Variants in DAB1 observed in about 807,000 individuals in gnomAD.
DAB1 encodes DAB adaptor protein 1, also known as disabled homolog 1.
Under a neutral mutation model 64.6 loss-of-function variants are expected in DAB1, and 15 were observed. The ratio of observed to expected loss-of-function variants is 0.23; its 90% CI spans 0.16 to 0.36. The LOEUF (loss-of-function observed/expected upper bound fraction) is 0.36, where lower values mean the gene tolerates loss of function less well. Ranked by LOEUF, DAB1 falls within the 10% of genes least tolerant of loss-of-function variation. The pLI is 1.00. For synonymous variants in DAB1, 235 were observed against 251.9 expected (o/e 0.93, Z 0.64); for missense variants, 596 against 706.7 (o/e 0.84, Z 1.78).
chr1:58,189,743 G>A (rs1405790461), intron 4 of DAB1, among the ~76,000 whole-genome samples: 4 of 152,216 alleles, frequency 2.6e-5, no homozygotes, highest in African/African-American at 9.6e-5. Context: ...TATTTTCAAT[G>A]TGGAAGTACA....
At chr1:57,225,962 A>G (rs1369524656) in intron 2 of DAB1, among the ~76,000 whole-genome samples, 16 of 152,124 alleles carry the variant, frequency 1.1e-4, no homozygotes, top group Non-Finnish European at 2.4e-4. Flanking sequence ...CATTCCCACA[A>G]CAATGGGTGC....
intron 7 of DAB1, among the ~76,000 whole-genome samples, chr1:57,439,583 C>A (rs534884212): frequency 6.8e-6 from 1 of 147,178 alleles, no homozygotes; most frequent in Non-Finnish European, 1.5e-5. Flanking sequence ...CGCCCGCCAC[C>A]GCGCCCGGCT....
chr1:58,291,292 T>C (rs1439312338), intron 4 of DAB1, among the ~76,000 whole-genome samples: 1 of 152,194 alleles, frequency 6.6e-6, no homozygotes, highest in East Asian at 1.9e-4. Context: ...AATAAAATTA[T>C]GTAACTGGTG....
intron 6 of DAB1, among the ~76,000 whole-genome samples, chr1:57,773,165 G>T (rs1184191981): frequency 2.0e-5 from 3 of 151,918 alleles, no homozygotes; most frequent in Non-Finnish European, 4.4e-5. Context: ...AATTTCTGTT[G>T]TTTTAAGCCA....
intron 1 of DAB1, among the ~76,000 whole-genome samples, chr1:57,349,184 C>A (rs1220625659): frequency 4.6e-5 from 7 of 152,148 alleles, no homozygotes. Context: ...CTGAGTAATT[C>A]AACACAGCCC....
At chr1:58,164,175 A>C (rs1655692601) in intron 4 of DAB1, among the ~76,000 whole-genome samples, 1 of 149,412 alleles carries the variant, frequency 6.7e-6, no homozygotes, top group African/African-American at 2.5e-5. Flanking sequence ...TAAACAACTC[A>C]AGAGAGCTCA....
intron 7 of DAB1, among the ~76,000 whole-genome samples, chr1:57,527,686 G>T (rs560375963): frequency 6.6e-6 from 1 of 152,290 alleles, no homozygotes; most frequent in African/African-American, 2.4e-5. Context: ...GGTTACTAAA[G>T]AATAGAGGAA....
intron 1 of DAB1, among the ~76,000 whole-genome samples, chr1:57,300,544 C>T (rs945094305): frequency 7.9e-5 from 12 of 152,118 alleles, no homozygotes; most frequent in East Asian, 5.8e-4. Context: ...AGAGAGAAGA[C>T]GTAATCAATC....
At chr1:57,208,621 G>C (rs113854908) in intron 2 of DAB1, among the ~76,000 whole-genome samples, 5 of 152,300 alleles carry the variant, frequency 3.3e-5, no homozygotes, top group African/African-American at 1.2e-4. Flanking sequence ...CTGGCACATG[G>C]TAAGTGATGA....
At chr1:57,362,064 A>G (rs1182116482) in intron 1 of DAB1, among the ~76,000 whole-genome samples, 2 of 152,166 alleles carry the variant, frequency 1.3e-5, no homozygotes, top group Admixed American at 1.3e-4. Flanking sequence ...TTAAACAATT[A>G]TATAGAAGGA....
chr1:57,225,346 A>T (rs1402985805), intron 2 of DAB1, among the ~76,000 whole-genome samples: 1 of 152,212 alleles, frequency 6.6e-6, no homozygotes, highest in Non-Finnish European at 1.5e-5. Flanking sequence ...TAACCTGTGT[A>T]ATGTCAGATT....
Position 57,014,972 on chromosome 1 carries a change from A to G in DAB1, c.1355T>C (p.Val452Ala). Reference protein sequence around the residue: ...AFSSYFNKVGVAQDTDDCDDF... With the variant: ...AFSSYFNKVGAAQDTDDCDDF... ...ATCACAGTCGTCTGTATCCTGTGCC[A>G]CCCCGACTTTGTTGAAGTAACTGGA... Residue 452 changes from valine (V) to alanine (A), a missense_variant, in exon 12 of 15, where the codon GTG becomes GCG. By Grantham distance (64) the Val-to-Ala change is moderately conservative. Coordinates refer to ENST00000371236, the MANE Select transcript of DAB1 (RefSeq NM_001365792.1). 6.2e-7 allele frequency: 1 copy of G among 1,613,988 alleles called. No individual in the cohort carries two copies. The highest frequency in any genetic ancestry group is 8.5e-7 in the Non-Finnish European group (1 of 1,179,970).
At chr1:58,362,585 T>C (rs1413866419) in intron 3 of DAB1, among the ~76,000 whole-genome samples, 1 of 152,220 alleles carries the variant, frequency 6.6e-6, no homozygotes, top group Non-Finnish European at 1.5e-5. Flanking sequence ...TTTGCTTATG[T>C]TCAAGTTTGC....
At chr1:57,302,143 C>T (rs1324322171) in intron 1 of DAB1, among the ~76,000 whole-genome samples, 1 of 152,098 alleles carries the variant, frequency 6.6e-6, no homozygotes, top group Non-Finnish European at 1.5e-5. Flanking sequence ...CTGTGCTTGA[C>T]GGGAAGCAAC....
Position 58,401,582 on chromosome 1 carries a change from G to A in DAB1, n.258-58179C>T, listed in dbSNP as rs550135911. Among the ~76,000 whole-genome samples the A allele has an allele frequency of 7.2e-5, 11 of 152,302 alleles. No homozygotes were observed. The South Asian group carries it at 2.1e-3, about 29-fold the overall frequency. Reference sequence around the variant, plus strand: ...ATTTATTATCTGTTTTTCTCCAGCAGAATGTAATCTTTGAGAAGGCGTGGA... The same window carrying A: ...ATTTATTATCTGTTTTTCTCCAGCAAAATGTAATCTTTGAGAAGGCGTGGA... On this transcript the variant is annotated intron_variant and non_coding_transcript_variant, in intron 3 of 20. Transcript: ENST00000485760.
intron 9 of DAB1, among the ~76,000 whole-genome samples, chr1:57,056,328 ATC>A (rs1360481005): frequency 2.9e-5 from 4 of 139,620 alleles, no homozygotes; most frequent in African/African-American, 1.2e-4. Flanking sequence ...GCAAGTCCTC[ATC>A]TTTAAAAAAA....
chr1:58,350,494 T>C (rs545074026), intron 3 of DAB1, among the ~76,000 whole-genome samples: 2 of 152,334 alleles, frequency 1.3e-5, no homozygotes, highest in South Asian at 4.1e-4. Context: ...TGGCTTTTGT[T>C]GCCATTGCTT....
intron 1 of DAB1, among the ~76,000 whole-genome samples, chr1:57,847,874 A>T (rs1044256288): frequency 3.3e-5 from 5 of 152,194 alleles, no homozygotes; most frequent in Non-Finnish European, 5.9e-5. Flanking sequence ...TTGAGTGCTT[A>T]CAATGCTCCA....
intron 2 of DAB1, among the ~76,000 whole-genome samples, chr1:58,508,872 A>G (rs374705282): frequency 1.3e-5 from 2 of 151,168 alleles, no homozygotes; most frequent in African/African-American, 4.9e-5. Context: ...TCACGTGTCC[A>G]ACATTCTAAC....
Sources: allele counts gnomAD v4.1 joint callset (sites outside exome capture counted in the v4.1 genomes callset), GRCh38; gene constraint gnomAD v4.1.1; transcripts MANE v1.5; gene names NCBI Gene and HGNC (gene_info 2026-07-23, HGNC 2026-07-21).